TCF4: variants seen among roughly 807,000 people sequenced by gnomAD.
TCF4 encodes SL3-3 enhancer factor 2.
TCF4 carries 3 observed loss-of-function variants against 82.1 expected under a neutral mutation model. The observed-to-expected ratio is 0.04, with a 90% CI of 0.02 to 0.09. TCF4 has a LOEUF of 0.09. Among genes scored for constraint, TCF4 ranks in the 10% least tolerant of loss-of-function variants. The probability of loss-of-function intolerance (pLI) is 1.00; values close to 1 mark genes in which losing one functional copy is unlikely to be tolerated. For missense variants in TCF4, 518 were observed against 852.7 expected, an observed-to-expected ratio of 0.61 and a Z score of 4.89; for synonymous variants, 276 against 309.6, an observed-to-expected ratio of 0.89 and a Z score of 1.14.
At chr18:55,435,264 G>A (rs2095305298) in intron 5 of TCF4, among the ~76,000 whole-genome samples, 1 of 152,174 alleles carries the variant, frequency 6.6e-6, no homozygotes, top group Admixed American at 6.5e-5. Context: ...AATATGTTGA[G>A]TTAAGAATAA....
chr18:55,324,904 C>T (rs916323280), intron 8 of TCF4, among the ~76,000 whole-genome samples: 2 of 152,252 alleles, frequency 1.3e-5, no homozygotes, highest in African/African-American at 2.4e-5. Context: ...GAAACCCACA[C>T]GATTCTTATT....
chr18:55,576,999 T>C (rs1194516203), intron 3 of TCF4, among the ~76,000 whole-genome samples: 1 of 150,728 alleles, frequency 6.6e-6, no homozygotes, highest in East Asian at 1.9e-4. Context: ...TGAGAGAAGG[T>C]TCTCTCTTCC....
In TCF4 at chr18:55,633,132, G is replaced by C. The variant is rs1019154910; in HGVS notation, c.196-1744C>G. ...TTATCCTCACAGTTTCTATGGGTTG[G>C]GTATTTGGAATGTGGCTTAGCCAGA... On this transcript the variant is annotated intron_variant, in intron 1 of 20. Coordinates refer to the TCF4 transcript ENST00000398339. This position sits in a 1 kb window ranked among gnomAD's most constrained non-coding sequence, Gnocchi z 4.0. 6.6e-6 allele frequency among the ~76,000 whole-genome samples: 1 copy of C among 152,218 alleles called. No homozygotes were observed. Among genetic ancestry groups the C allele is most frequent in the African/African-American group, 2.4e-5 (1 of 41,458 alleles).
intron 8 of TCF4, among the ~76,000 whole-genome samples, chr18:55,316,530 T>C (rs746186980): frequency 4.6e-5 from 7 of 151,992 alleles, no homozygotes; most frequent in Non-Finnish European, 1.0e-4. Context: ...AAAATCCAAC[T>C]ATGATCAAGC....
At chr18:55,274,103 A>G (rs2060970916) in intron 10 of TCF4, among the ~76,000 whole-genome samples, 2 of 152,210 alleles carry the variant, frequency 1.3e-5, no homozygotes, top group South Asian at 4.1e-4. Context: ...CATAGGACAC[A>G]TACAGTTTTG....
chr18:55,416,662 A>G (rs2094536088), intron 5 of TCF4, among the ~76,000 whole-genome samples: 1 of 152,246 alleles, frequency 6.6e-6, no homozygotes, highest in Non-Finnish European at 1.5e-5. Flanking sequence ...CACAATAAAT[A>G]ATATGCCTCC....
At chr18:55,555,849 T>C (rs559097339) in intron 3 of TCF4, among the ~76,000 whole-genome samples, 146 of 152,362 alleles carry the variant, frequency 9.6e-4, no homozygotes, top group African/African-American at 3.3e-3. Context: ...AATATTTAAT[T>C]TGAGCAAATT....
At chr18:55,570,177 G>A (rs974311380) in intron 3 of TCF4, among the ~76,000 whole-genome samples, 2 of 152,144 alleles carry the variant, frequency 1.3e-5, no homozygotes, top group Non-Finnish European at 2.9e-5. Flanking sequence ...CAGTACGTGT[G>A]AATGGATTTC....
chr18:55,596,940 C>T (rs2097691526), intron 2 of TCF4, among the ~76,000 whole-genome samples: 1 of 152,108 alleles, frequency 6.6e-6, no homozygotes. Context: ...GAGGAGGGGC[C>T]TGATGGGAGG....
chr18:55,425,760 G>T (rs1417766948), intron 5 of TCF4, among the ~76,000 whole-genome samples: 1 of 152,102 alleles, frequency 6.6e-6, no homozygotes, highest in African/African-American at 2.4e-5. Context: ...ACTAAAACAC[G>T]ATCTCCTCCC....
chr18:55,232,347 T>A, intron 17 of TCF4, 162 bp downstream of exon 17: 1 of 734,708 alleles, frequency 1.4e-6, no homozygotes, highest in Non-Finnish European at 2.2e-6. Context: ...AGTACAGGTA[T>A]CTGAAACGAT....
intron 5 of TCF4, among the ~76,000 whole-genome samples, chr18:55,407,748 G>A (rs1321081216): frequency 6.6e-6 from 1 of 151,740 alleles, no homozygotes; most frequent in Non-Finnish European, 1.5e-5. Flanking sequence ...TTTTATTTGA[G>A]GGTGATATGG....
intron 11 of TCF4, among the ~76,000 whole-genome samples, chr18:55,263,830 A>T (rs2058547703): frequency 6.6e-6 from 1 of 151,974 alleles, no homozygotes; most frequent in Non-Finnish European, 1.5e-5. Flanking sequence ...TGATTTGAAT[A>T]TAGATTTTCA....
intron 3 of TCF4, among the ~76,000 whole-genome samples, chr18:55,530,562 G>GGC (rs1555729286): frequency 4.0e-5 from 1 of 24,708 alleles, no homozygotes; most frequent in East Asian, 0.014. Context: ...GCCCTGAAAA[G>GGC]GGGGGGGGAA....
chr18:55,465,260 T>A (rs2144944030), intron 3 of TCF4, among the ~76,000 whole-genome samples: 1 of 152,320 alleles, frequency 6.6e-6, no homozygotes, highest in Non-Finnish European at 1.5e-5. Context: ...TCTACTGTCA[T>A]TCCTTTTATT....
intron 5 of TCF4, among the ~76,000 whole-genome samples, chr18:55,426,835 CAA>C (rs1422773584): frequency 6.6e-6 from 1 of 151,848 alleles, no homozygotes; most frequent in Non-Finnish European, 1.5e-5. Context: ...CACAGACACA[CAA>C]AGACACAAAC....
In TCF4 at chr18:55,442,713, G is replaced by C. The variant is rs146533298; in HGVS notation, c.304+18306C>G. On this transcript the variant is annotated intron_variant, in intron 5 of 19. Coordinates refer to ENST00000354452, the MANE Select transcript of TCF4 (RefSeq NM_001083962.2). The stretch of plus-strand genomic sequence containing the variant: ...GGATACAATGAAATCTGAGATCTCA[G>C]AATGCATAGCTTCCCTCTTCCGTCA... Among the ~76,000 whole-genome samples the C allele has an allele frequency of 2.3e-4, 35 of 152,302 alleles. 1 individual carries two copies. The Middle Eastern group carries it at 0.014, about 59-fold the overall frequency.
upstream of TCF4, among the ~76,000 whole-genome samples, chr18:55,591,552 T>C (rs1298290942): frequency 6.6e-6 from 1 of 152,214 alleles, no homozygotes; most frequent in Non-Finnish European, 1.5e-5. Flanking sequence ...AGTTTCACTC[T>C]TGTTGCCCAG....
chr18:55,352,710 T>G (rs1294995867), intron 6 of TCF4, among the ~76,000 whole-genome samples: 1 of 152,144 alleles, frequency 6.6e-6, no homozygotes, highest in African/African-American at 2.4e-5. Flanking sequence ...TAAGGCTTAT[T>G]ATAATAAAGT....
Sources: allele counts gnomAD v4.1 joint callset (sites outside exome capture counted in the v4.1 genomes callset), GRCh38; gene constraint gnomAD v4.1.1; non-coding constraint Gnocchi (gnomAD v3.1); transcripts MANE v1.5; gene names NCBI Gene and HGNC (gene_info 2026-07-23, HGNC 2026-07-21).